The following HIBCH variants were observed in gnomAD, a reference collection of about 807,000 sequenced individuals.
HIBCH encodes 3-hydroxyisobutyryl-CoA hydrolase, mitochondrial.
HIBCH carries 50 observed loss-of-function variants against 58.2 expected under a neutral mutation model. The observed-to-expected ratio is 0.86, with a 90% confidence interval of 0.68 to 1.09. The LOEUF (loss-of-function observed/expected upper bound fraction) is 1.09, where lower values mean the gene tolerates loss of function less well. Among genes scored for constraint, HIBCH ranks in the 50% least tolerant of loss-of-function variants. HIBCH has a pLI of 0.00. For missense variants in HIBCH, 450 were observed against 449.7 expected (o/e 1.00, Z -0.01); for synonymous variants, 151 against 146.9 (o/e 1.03, Z -0.20).
At chr2:190,248,191 T>C (rs1428837144) in intron 9 of HIBCH, among the ~76,000 whole-genome samples, 1 of 152,322 alleles carries the variant, frequency 6.6e-6, no homozygotes, top group East Asian at 1.9e-4. Context: ...CTAGGAATAT[T>C]TGTTTTTCTA....
intron 2 of HIBCH, among the ~76,000 whole-genome samples, chr2:190,302,359 T>C (rs1400649638): frequency 6.6e-6 from 1 of 152,218 alleles, no homozygotes; most frequent in East Asian, 1.9e-4. Flanking sequence ...TGCACATGCA[T>C]GCCATGTTAA....
At chr2:190,213,171 G>A in intron 11 of HIBCH, 96 bp from the exon 12 acceptor site, 2 of 1,043,242 alleles carry the variant, frequency 1.9e-6, no homozygotes, top group Non-Finnish European at 3.0e-6. Context: ...ATTAAAATAT[G>A]CCAAAATCTC....
intron 11 of HIBCH, among the ~76,000 whole-genome samples, chr2:190,227,329 C>T (rs909963210): frequency 1.3e-5 from 2 of 152,312 alleles, no homozygotes; most frequent in Admixed American, 1.3e-4. Flanking sequence ...AAATGATTCC[C>T]TATTTAATAA....
chr2:190,299,513 A>ACG (rs1688202443), intron 2 of HIBCH, among the ~76,000 whole-genome samples: 1 of 152,118 alleles, frequency 6.6e-6, no homozygotes, highest in Non-Finnish European at 1.5e-5. Context: ...ATACACACAC[A>ACG]CACACACATA....
intron 1 of HIBCH, among the ~76,000 whole-genome samples, chr2:190,311,703 T>C (rs1337752793): frequency 6.6e-6 from 1 of 152,224 alleles, no homozygotes; most frequent in African/African-American, 2.4e-5. Context: ...GAAAACAAAG[T>C]AAATGTCTAA....
intron 7 of HIBCH, among the ~76,000 whole-genome samples, chr2:190,259,191 G>A (rs1440707935): frequency 6.6e-6 from 1 of 152,138 alleles, no homozygotes; most frequent in Non-Finnish European, 1.5e-5. Flanking sequence ...CACTGAATCT[G>A]TAGATCACTT....
intron 13 of HIBCH, 143 bp downstream of exon 13, chr2:190,208,737 C>A: frequency 1.5e-6 from 1 of 676,346 alleles, no homozygotes; most frequent in Non-Finnish European, 2.7e-6. Context: ...ATTTGAGTGT[C>A]ATGTTGGTGC....
At chr2:190,316,373 C>T (rs1241659241) in intron 1 of HIBCH, among the ~76,000 whole-genome samples, 1 of 152,070 alleles carries the variant, frequency 6.6e-6, no homozygotes, top group Non-Finnish European at 1.5e-5. Flanking sequence ...ATCCTCCAGC[C>T]TCAGCCACCC....
intron 6 of HIBCH, among the ~76,000 whole-genome samples, chr2:190,273,752 C>A (rs535330497): frequency 2.0e-5 from 3 of 152,124 alleles, no homozygotes; most frequent in South Asian, 2.1e-4. Flanking sequence ...AAGAAGTATA[C>A]CAAACGAAGC....
At chr2:190,319,691 C>T (rs751645970) in intron 1 of HIBCH, 25 bp downstream of exon 1, 1 of 1,592,780 alleles carries the variant, frequency 6.3e-7, no homozygotes, top group Non-Finnish European at 8.6e-7. Flanking sequence ...AGAGCCTGCC[C>T]TTGGCCCCTC....
At position 190,252,255 on chromosome 2, in the gene HIBCH, T is replaced by C; in HGVS notation, c.570A>G (p.Lys190=). 1 of 1,613,026 alleles carries C rather than the reference T, an allele frequency of 6.2e-7. No homozygotes were observed. The highest frequency in any genetic ancestry group is 1.1e-5 in the South Asian group (1 of 91,056). ...CTGTTAATGCAAGGAAGTAACCAAGTTTTCCTTGGAGTCGTGGCAAGAAAT... is the reference window on the plus strand; with the variant it reads ...CTGTTAATGCAAGGAAGTAACCAAGCTTTCCTTGGAGTCGTGGCAAGAAAT... ...GGYFLPRLQG[K]LGYFLALTGF... The change falls in exon 8 of 14, where the codon AAA becomes AAG. Residue 190 remains lysine (K), a synonymous_variant. Transcript: ENST00000359678.
chr2:190,191,603 TGA>T (rs1235059230), intron 1 of HIBCH, among the ~76,000 whole-genome samples: 17 of 152,204 alleles, frequency 1.1e-4, no homozygotes, highest in Non-Finnish European at 2.9e-5. Flanking sequence ...CAGCAATGTA[TGA>T]GAGTGCAGTT....
At chr2:190,203,060 T>TA (rs1559007589), downstream of HIBCH, 2 of 167,070 alleles carry the variant, frequency 1.2e-5, no homozygotes, top group Non-Finnish European at 2.9e-5. Flanking sequence ...GCCTTATTAG[T>TA]ATTAAAAACA....
At chr2:190,200,868 A>AG (rs1690215256), downstream of HIBCH, 1 of 167,070 alleles carries the variant, frequency 6.0e-6, no homozygotes, top group Non-Finnish European at 1.5e-5. Context: ...GAAAACAAGT[A>AG]GGGGTACCTT....
chr2:190,219,365 T>G (rs1294226800), intron 11 of HIBCH, among the ~76,000 whole-genome samples: 10 of 152,192 alleles, frequency 6.6e-5, no homozygotes. Context: ...TGAATCGGCT[T>G]AGGTCAGCAA....
At chr2:190,259,995 T>G (rs1559039334) in intron 7 of HIBCH, among the ~76,000 whole-genome samples, 1 of 151,980 alleles carries the variant, frequency 6.6e-6, no homozygotes, top group African/African-American at 2.4e-5. Flanking sequence ...TCCCCTAAAA[T>G]CAGGAACAAG....
chr2:190,240,470 GT>G (rs201779108), intron 11 of HIBCH, among the ~76,000 whole-genome samples: 6 of 151,692 alleles, frequency 4.0e-5, no homozygotes, highest in Admixed American at 1.3e-4. Flanking sequence ...TTTTTGAAGT[GT>G]TTTTTTTCTG....
chr2:190,206,041 A>AAATT lies in HIBCH; in HGVS notation c.1046-810_1046-809insAATT, dbSNP rs1432616174. Among the ~76,000 whole-genome samples the AAATT allele has an allele frequency of 6.6e-6, 1 of 152,252 alleles. No homozygotes were observed. Among genetic ancestry groups the AAATT allele is most frequent in the Non-Finnish European group, 1.5e-5 (1 of 68,044 alleles). ...GTGGCAGCAAATTTCAACCATGCTT[A>AAATT]AAATGCACATAATTCTTGTGAAGAA... On this transcript the variant is annotated intron_variant, in intron 13 of 13. Coordinates refer to ENST00000359678, the MANE Select transcript of HIBCH (RefSeq NM_014362.4). This position sits in a 1 kb window ranked among gnomAD's most constrained non-coding sequence, Gnocchi z 5.1.
intron 7 of HIBCH, among the ~76,000 whole-genome samples, chr2:190,253,519 T>C (rs1686839280): frequency 6.6e-6 from 1 of 152,154 alleles, no homozygotes; most frequent in Admixed American, 6.5e-5. Context: ...CAGCATCACC[T>C]ACCTCAATAA....
Sources: gnomAD v4.1 joint callset for allele counts (sites outside exome capture counted in the v4.1 genomes callset) on GRCh38, gnomAD v4.1.1 for gene constraint, Gnocchi (gnomAD v3.1) non-coding constraint, MANE v1.5 for transcripts, NCBI Gene and HGNC (gene_info 2026-07-23, HGNC 2026-07-21) for gene names.